The following CLDN10 variants were observed in gnomAD, a reference collection of about 807,000 sequenced individuals.
CLDN10 encodes claudin 10, also known as claudin-10.
Under a neutral mutation model 22.9 loss-of-function variants are expected in CLDN10, and 15 were observed. The ratio of observed to expected loss-of-function variants is 0.65; its 90% CI spans 0.44 to 1.01. The LOEUF (loss-of-function observed/expected upper bound fraction) is 1.01, where lower values mean the gene tolerates loss of function less well. Ranked by LOEUF, CLDN10 falls within the 50% of genes least tolerant of loss-of-function variation. The pLI, the probability that CLDN10 is intolerant of heterozygous loss-of-function variation, is 0.00. For missense variants in CLDN10, 247 were observed against 287.8 expected, an observed-to-expected ratio of 0.86 and a Z score of 1.03; for synonymous variants, 114 against 111.4, an observed-to-expected ratio of 1.02 and a Z score of -0.15.
At chr13:95,571,107 G>A (rs2043852977) in intron 3 of CLDN10, among the ~76,000 whole-genome samples, 2 of 151,924 alleles carry the variant, frequency 1.3e-5, no homozygotes, top group South Asian at 4.1e-4. Flanking sequence ...CTTGAAACAT[G>A]TTCATTTTAG....
chr13:95,449,618 G>A (rs540742553), intron 1 of CLDN10, among the ~76,000 whole-genome samples: 70 of 152,108 alleles, frequency 4.6e-4, no homozygotes, highest in South Asian at 1.2e-3. Flanking sequence ...CTAGGCTGGC[G>A]TGCAGTGGTG....
intron 1 of CLDN10, among the ~76,000 whole-genome samples, chr13:95,557,683 A>G (rs1260628748): frequency 6.6e-6 from 1 of 152,212 alleles, no homozygotes; most frequent in Non-Finnish European, 1.5e-5. Context: ...TGACCAGATC[A>G]GAATCTGCCC....
At chr13:95,470,400 A>G (rs188760605) in intron 1 of CLDN10, among the ~76,000 whole-genome samples, 5 of 152,278 alleles carry the variant, frequency 3.3e-5, no homozygotes, top group Admixed American at 3.3e-4. Flanking sequence ...GGTGCGCACC[A>G]TCATGGCTGG....
chr13:95,546,036 C>A (rs535423937), intron 1 of CLDN10, among the ~76,000 whole-genome samples: 2 of 152,344 alleles, frequency 1.3e-5, no homozygotes, highest in East Asian at 1.9e-4. Flanking sequence ...CATTAAACAG[C>A]ATATTATTGA....
chr13:95,577,622 G>A (rs987956748), intron 4 of CLDN10, among the ~76,000 whole-genome samples: 13 of 152,186 alleles, frequency 8.5e-5, no homozygotes, highest in African/African-American at 2.7e-4. Flanking sequence ...CCTCTACTAA[G>A]TCTCCTAGCT....
chr13:95,573,675 G>A (rs898100857), intron 3 of CLDN10, among the ~76,000 whole-genome samples: 17 of 151,786 alleles, frequency 1.1e-4, no homozygotes, highest in South Asian at 2.1e-4. Context: ...AATAACACAC[G>A]TCAGTTTTTT....
At chr13:95,459,132 A>G (rs755776193) in intron 1 of CLDN10, among the ~76,000 whole-genome samples, 1 of 152,220 alleles carries the variant, frequency 6.6e-6, no homozygotes, top group Non-Finnish European at 1.5e-5. Flanking sequence ...GGCCTTGGAC[A>G]GCTCTGTTCC....
intron 1 of CLDN10, among the ~76,000 whole-genome samples, chr13:95,539,382 CAT>C (rs1264433392): frequency 6.6e-6 from 1 of 152,200 alleles, no homozygotes; most frequent in Non-Finnish European, 1.5e-5. Context: ...TATATTGAGA[CAT>C]GTGGGAATAC....
chr13:95,488,548 A>C (rs879409214), intron 1 of CLDN10, among the ~76,000 whole-genome samples: 106 of 151,850 alleles, frequency 7.0e-4, no homozygotes, highest in Non-Finnish European at 1.3e-3. Context: ...CCCAAAGTCC[A>C]CTGTATCATT....
intron 1 of CLDN10, among the ~76,000 whole-genome samples, chr13:95,553,807 A>T (rs2043600536): frequency 5.3e-5 from 8 of 152,162 alleles, no homozygotes; most frequent in Admixed American, 5.2e-4. Context: ...GCTGGTGGAT[A>T]TTCACACAGA....
At chr13:95,503,774 A>G (rs7990388) in intron 1 of CLDN10, among the ~76,000 whole-genome samples, 21,769 of 152,180 alleles carry the variant, frequency 0.14, 1,907 homozygotes, top group African/African-American at 0.24. Context: ...CTACTTATAT[A>G]AGGCACTTAG....
At chr13:95,556,848 C>T (rs2138651640) in intron 1 of CLDN10, among the ~76,000 whole-genome samples, 2 of 152,322 alleles carry the variant, frequency 1.3e-5, no homozygotes, top group Middle Eastern at 3.4e-3. Context: ...TGGATGTTTT[C>T]GTTTTTTGCT....
At position 95,453,283 on chromosome 13, in the gene CLDN10, G is replaced by A. The variant is rs1340985789; in HGVS notation, c.214+19236G>A. 2.0e-5 allele frequency among the ~76,000 whole-genome samples: 3 copies of A among 152,110 alleles called. 1 individual carries two copies. Among genetic ancestry groups the A allele is most frequent in the African/African-American group, 7.2e-5 (3 of 41,414 alleles). On this transcript the variant is annotated intron_variant, in intron 1 of 4. Transcript: ENST00000376873. ...ATCTCCTCTTCTCCTACCTGCTCTTGTCTGTCGGGAGAACCCACTATCTTG... is the reference window on the plus strand; with the variant it reads ...ATCTCCTCTTCTCCTACCTGCTCTTATCTGTCGGGAGAACCCACTATCTTG...
At chr13:95,518,764 A>T (rs2043195835) in intron 1 of CLDN10, among the ~76,000 whole-genome samples, 1 of 152,150 alleles carries the variant, frequency 6.6e-6, no homozygotes. Flanking sequence ...CTCAAAAAAA[A>T]AAAAATAAAT....
chr13:95,558,726 G>C (rs765133217), intron 1 of CLDN10, among the ~76,000 whole-genome samples: 1 of 152,150 alleles, frequency 6.6e-6, no homozygotes, highest in Non-Finnish European at 1.5e-5. Flanking sequence ...AGGAATTCGA[G>C]ACTAATCTGG....
intron 1 of CLDN10, among the ~76,000 whole-genome samples, chr13:95,521,068 C>T (rs896193125): frequency 2.6e-5 from 4 of 151,264 alleles, no homozygotes; most frequent in African/African-American, 9.7e-5. Context: ...CATATTAATA[C>T]TAATAATTTT....
chr13:95,536,802 A>T lies in CLDN10; in HGVS notation c.215-23330A>T, dbSNP rs9525013. On this transcript the variant is annotated intron_variant, in intron 1 of 4. Transcript: ENST00000376873. ...TTTTTTAAAAACTGCATGCCTTTTT[A>T]AAAAAAAGTTCATATTGAAATGTCT... Among the ~76,000 whole-genome samples, 5 of 1,146 alleles carry T rather than the reference A, an allele frequency of 4.4e-3. 1 individual carries two copies. The highest frequency in any genetic ancestry group is 0.33 in the South Asian group (2 of 6). The allele number at this position is 1,146 out of a possible 152,430, so 0.8% of individuals were successfully genotyped here.
chr13:95,573,560 CCAGA>C (rs76616560), intron 3 of CLDN10, among the ~76,000 whole-genome samples: 39,760 of 151,986 alleles, frequency 0.26, 6,196 homozygotes, highest in Non-Finnish European at 0.35. Flanking sequence ...AGAAAGATTT[CCAGA>C]CAGAGACTAA....
chr13:95,468,347 C>A (rs2042599145), intron 1 of CLDN10, among the ~76,000 whole-genome samples: 2 of 152,174 alleles, frequency 1.3e-5, no homozygotes, highest in Admixed American at 1.3e-4. Context: ...GCTGATATGA[C>A]AAGATGTTCC....
Sources: allele counts gnomAD v4.1 joint callset (sites outside exome capture counted in the v4.1 genomes callset), GRCh38; gene constraint gnomAD v4.1.1; transcripts MANE v1.5; gene names NCBI Gene and HGNC (gene_info 2026-07-23, HGNC 2026-07-21).